The following NMNAT2 variants were observed in gnomAD, a reference collection of about 807,000 sequenced individuals.
The protein encoded by NMNAT2 is nicotinamide/nicotinic acid mononucleotide adenylyltransferase 2.
Under a neutral mutation model 41.6 loss-of-function variants are expected in NMNAT2, and 11 were observed. That is an observed-to-expected ratio of 0.26 (90% CI 0.17 to 0.44). The LOEUF (loss-of-function observed/expected upper bound fraction) is 0.44, where lower values mean the gene tolerates loss of function less well. NMNAT2 is among the 20% of genes least tolerant of loss of function. NMNAT2 has a pLI of 1.00. For missense variants in NMNAT2, 288 were observed against 407.7 expected (o/e 0.71, Z 2.53); for synonymous variants, 148 against 151.2 (o/e 0.98, Z 0.16).
At chr1:183,297,168 G>A (rs988564404) in intron 1 of NMNAT2, among the ~76,000 whole-genome samples, 1 of 150,716 alleles carries the variant, frequency 6.6e-6, no homozygotes, top group African/African-American at 2.4e-5. Context: ...CTTATTTCCC[G>A]GCCACCTCAC....
At chr1:183,301,898 T>C (rs1661864622) in intron 1 of NMNAT2, among the ~76,000 whole-genome samples, 2 of 152,182 alleles carry the variant, frequency 1.3e-5, no homozygotes, top group Non-Finnish European at 2.9e-5. Flanking sequence ...CTAACTCCAT[T>C]TTTCCTTTTC....
At chr1:183,255,079 G>T (rs1660482280) in intron 10 of NMNAT2, among the ~76,000 whole-genome samples, 1 of 152,072 alleles carries the variant, frequency 6.6e-6, no homozygotes, top group Non-Finnish European at 1.5e-5. Context: ...TATCCATTTT[G>T]AGCTGATTTT....
At chr1:183,354,409 CTTTTTTTTTTTTT>C (rs67663742) in intron 1 of NMNAT2, among the ~76,000 whole-genome samples, 9 of 89,660 alleles carry the variant, frequency 1.0e-4, no homozygotes, top group Admixed American at 8.1e-4. Flanking sequence ...TCTTTAATGT[CTTTTTTTTTTTTT>C]TTTTTTTTTT....
intron 1 of NMNAT2, among the ~76,000 whole-genome samples, chr1:183,339,500 C>T (rs142679849): frequency 2.0e-5 from 3 of 152,254 alleles, no homozygotes; most frequent in East Asian, 1.9e-4. Context: ...TCAACAGCAT[C>T]GGAAGCCCAG....
At chr1:183,369,529 G>A (rs368596573) in intron 1 of NMNAT2, among the ~76,000 whole-genome samples, 290 of 151,956 alleles carry the variant, frequency 1.9e-3, no homozygotes, top group African/African-American at 6.4e-3. Context: ...CACCTGCCTC[G>A]GCCTCCCAAA....
chr1:183,367,634 G>A (rs1426770173), intron 1 of NMNAT2, among the ~76,000 whole-genome samples: 1 of 152,116 alleles, frequency 6.6e-6, no homozygotes, highest in Non-Finnish European at 1.5e-5. Context: ...ATGAGTAGTC[G>A]AGGGCAACAG....
chr1:183,286,850 T>TC, intron 4 of NMNAT2, 62 bp from the exon 5 acceptor site: 2 of 1,545,904 alleles, frequency 1.3e-6, no homozygotes, highest in Admixed American at 1.9e-5. Flanking sequence ...CAAAGTTATC[T>TC]CCAAGTGGTC....
chr1:183,298,620 T>C (rs1432039161), intron 1 of NMNAT2, among the ~76,000 whole-genome samples: 1 of 152,236 alleles, frequency 6.6e-6, no homozygotes, highest in African/African-American at 2.4e-5. Context: ...TTTATTCCCA[T>C]ATGCACTGTA....
At chr1:183,379,072 A>G (rs1663741463) in intron 1 of NMNAT2, among the ~76,000 whole-genome samples, 1 of 76,754 alleles carries the variant, frequency 1.3e-5, no homozygotes, top group Admixed American at 1.5e-4. Flanking sequence ...ATCTATATCT[A>G]TATCTATATC....
At chr1:183,386,559 C>A (rs573925604) in intron 1 of NMNAT2, among the ~76,000 whole-genome samples, 1 of 152,040 alleles carries the variant, frequency 6.6e-6, no homozygotes, top group Non-Finnish European at 1.5e-5. Context: ...CTCACAATAG[C>A]AAGGGCTCGT....
intron 1 of NMNAT2, among the ~76,000 whole-genome samples, chr1:183,317,517 C>T (rs1662278645): frequency 6.6e-6 from 1 of 152,224 alleles, no homozygotes; most frequent in South Asian, 2.1e-4. Context: ...AGCTATCCTC[C>T]TGCCTGAACC....
At chr1:183,263,531 A>C (rs920634790) in intron 8 of NMNAT2, among the ~76,000 whole-genome samples, 3 of 152,182 alleles carry the variant, frequency 2.0e-5, no homozygotes, top group Non-Finnish European at 2.9e-5. Flanking sequence ...TTAAACCAGA[A>C]TCTCGGGCCA....
intron 1 of NMNAT2, among the ~76,000 whole-genome samples, chr1:183,341,722 C>A (rs140433286): frequency 9.1e-4 from 18 of 19,702 alleles, no homozygotes; most frequent in African/African-American, 1.1e-3. Flanking sequence ...AACAAACAAA[C>A]ACCAAAAAAA....
At chr1:183,348,303 T>C (rs1480974606) in intron 1 of NMNAT2, among the ~76,000 whole-genome samples, 2 of 152,170 alleles carry the variant, frequency 1.3e-5, no homozygotes, top group Non-Finnish European at 2.9e-5. Context: ...AGCATGAGTA[T>C]GTAAGTGCAC....
At chr1:183,378,597 G>C (rs914259656) in intron 1 of NMNAT2, among the ~76,000 whole-genome samples, 3 of 151,862 alleles carry the variant, frequency 2.0e-5, no homozygotes, top group African/African-American at 7.2e-5. Flanking sequence ...ATGGAATCAT[G>C]AAAAGTTTCA....
At chr1:183,330,051 AAC>A (rs2102337928) in intron 1 of NMNAT2, among the ~76,000 whole-genome samples, 1 of 152,318 alleles carries the variant, frequency 6.6e-6, no homozygotes, top group African/African-American at 2.4e-5. Flanking sequence ...GATGCAGCAA[AAC>A]AGTGACTGAG....
chr1:183,365,300 A>G (rs926266881), intron 1 of NMNAT2, among the ~76,000 whole-genome samples: 4 of 152,094 alleles, frequency 2.6e-5, no homozygotes, highest in East Asian at 1.9e-4. Flanking sequence ...ACAGAGCCCT[A>G]TGGCAACAGA....
At chr1:183,304,808 G>A in intron 1 of NMNAT2, 1 of 1,608,872 alleles carries the variant, frequency 6.2e-7, no homozygotes. Context: ...ACACAAAGTG[G>A]TGCAGCTGCT....
chr1:183,279,517 A>G, intron 7 of NMNAT2, among the ~76,000 whole-genome samples: 1 of 152,196 alleles, frequency 6.6e-6, no homozygotes, highest in Admixed American at 6.5e-5. Flanking sequence ...GGGCACCACC[A>G]GCCTTCCAGA....
Sources: allele counts gnomAD v4.1 joint callset (sites outside exome capture counted in the v4.1 genomes callset), GRCh38; gene constraint gnomAD v4.1.1; transcripts MANE v1.5; gene names NCBI Gene and HGNC (gene_info 2026-07-23, HGNC 2026-07-21).